PRKG1: variants seen among roughly 807,000 people sequenced by gnomAD.
PRKG1 encodes protein kinase cGMP-dependent 1, also known as cGMP-dependent protein kinase 1.
PRKG1 carries 35 observed loss-of-function variants against 88.1 expected under a neutral mutation model. The observed-to-expected ratio is 0.40, with a 90% confidence interval of 0.30 to 0.53. The LOEUF (loss-of-function observed/expected upper bound fraction) is 0.53, where lower values mean the gene tolerates loss of function less well. PRKG1 is among the 20% of genes least tolerant of loss of function. PRKG1 has a pLI of 0.59. For synonymous variants in PRKG1, 303 were observed against 292.5 expected (o/e 1.04, Z -0.37); for missense variants, 540 against 839.8 (o/e 0.64, Z 4.41).
chr10:52,231,644 A>G (rs1039959768), intron 9 of PRKG1, among the ~76,000 whole-genome samples: 9 of 152,288 alleles, frequency 5.9e-5, no homozygotes, highest in African/African-American at 1.7e-4. Flanking sequence ...CTCTGAACAA[A>G]TACTCTAGAC....
intron 2 of PRKG1, among the ~76,000 whole-genome samples, chr10:51,227,823 A>G (rs2132103094): frequency 6.6e-6 from 1 of 152,302 alleles, no homozygotes; most frequent in Middle Eastern, 3.4e-3. Flanking sequence ...TGAGAGGGCA[A>G]GAAAGAGTGG....
intron 4 of PRKG1, among the ~76,000 whole-genome samples, chr10:51,843,190 G>T (rs534232058): frequency 1.4e-5 from 2 of 146,454 alleles, no homozygotes; most frequent in South Asian, 2.1e-4. Context: ...TCCACCTCCT[G>T]GGTTCAAGTG....
intron 5 of PRKG1, among the ~76,000 whole-genome samples, chr10:52,051,711 A>G (rs1435078643): frequency 2.0e-5 from 3 of 152,216 alleles, no homozygotes; most frequent in African/African-American, 2.4e-5. Flanking sequence ...AGAAGCTCAG[A>G]GAGGGGCAAA....
At chr10:51,012,234 A>C (rs1843001952) in intron 1 of PRKG1, among the ~76,000 whole-genome samples, 1 of 152,134 alleles carries the variant, frequency 6.6e-6, no homozygotes, top group African/African-American at 2.4e-5. Context: ...GGTAAGGAGG[A>C]GCTTTCTAGC....
rs185027798 is a variant in PRKG1, at chr10:51,269,754, T to C, written c.478+116424T>C. On this transcript the variant is annotated intron_variant, in intron 2 of 17. Transcript: ENST00000373980. ...GGATGAGGACTAAAAGACTACGTGT[T>C]GGGTACAGTACACACTGCTAGAGTG... Among the ~76,000 whole-genome samples, 633 of 152,242 alleles carry C rather than the reference T, an allele frequency of 4.2e-3. 2 individuals carry two copies. Among genetic ancestry groups the C allele is most frequent in the African/African-American group, 0.014 (602 of 41,540 alleles).
intron 3 of PRKG1, among the ~76,000 whole-genome samples, chr10:51,584,561 G>A (rs574263659): frequency 2.0e-5 from 3 of 152,060 alleles, no homozygotes; most frequent in South Asian, 2.1e-4. Context: ...TTATCATCCC[G>A]CCTGACCTAT....
At chr10:51,955,078 A>G (rs1258865074) in intron 5 of PRKG1, among the ~76,000 whole-genome samples, 1 of 152,006 alleles carries the variant, frequency 6.6e-6, no homozygotes. Context: ...TTTAAAGGAC[A>G]TAATTTTGTA....
chr10:51,836,573 A>G (rs1381891370), intron 4 of PRKG1, among the ~76,000 whole-genome samples: 2 of 152,044 alleles, frequency 1.3e-5, no homozygotes, highest in African/African-American at 2.4e-5. Context: ...TATTGTTTAT[A>G]TTGAGTGTAT....
chr10:51,246,702 C>T (rs1034912815), intron 2 of PRKG1, among the ~76,000 whole-genome samples: 1 of 151,538 alleles, frequency 6.6e-6, no homozygotes, highest in Non-Finnish European at 1.5e-5. Context: ...AACAATGAAA[C>T]AGTAGTAGAA....
intron 3 of PRKG1, among the ~76,000 whole-genome samples, chr10:51,478,096 C>T (rs61849783): frequency 0.045 from 6,901 of 152,014 alleles, 237 homozygotes; most frequent in Middle Eastern, 0.15. Flanking sequence ...TCTCTCCTGG[C>T]CAGATTTCTT....
chr10:51,474,488 T>G (rs987070915), intron 3 of PRKG1, among the ~76,000 whole-genome samples: 2 of 152,004 alleles, frequency 1.3e-5, no homozygotes, highest in African/African-American at 2.4e-5. Context: ...GGTCATAAGT[T>G]TAATGCCTTA....
At chr10:51,632,447 G>T (rs562955021) in intron 3 of PRKG1, among the ~76,000 whole-genome samples, 1 of 152,130 alleles carries the variant, frequency 6.6e-6, no homozygotes, top group Non-Finnish European at 1.5e-5. Flanking sequence ...GCTTGTGCAC[G>T]TGCACACCCA....
chr10:51,645,218 T>G (rs1839888199), intron 3 of PRKG1, among the ~76,000 whole-genome samples: 1 of 152,218 alleles, frequency 6.6e-6, no homozygotes, highest in South Asian at 2.1e-4. Context: ...TATCAGCTGT[T>G]TGTTTACATG....
intron 4 of PRKG1, among the ~76,000 whole-genome samples, chr10:51,875,159 T>C (rs1391031554): frequency 6.6e-6 from 1 of 152,122 alleles, no homozygotes; most frequent in Non-Finnish European, 1.5e-5. Context: ...AAATGTAGCT[T>C]TAGGAATACT....
intron 5 of PRKG1, among the ~76,000 whole-genome samples, chr10:51,954,731 T>C (rs939996133): frequency 1.3e-5 from 2 of 152,196 alleles, no homozygotes; most frequent in Non-Finnish European, 2.9e-5. Flanking sequence ...TCAGAGACTT[T>C]TATTTTTGTT....
At chr10:51,017,066 T>G (rs928733979) in intron 1 of PRKG1, among the ~76,000 whole-genome samples, 4 of 151,916 alleles carry the variant, frequency 2.6e-5, no homozygotes, top group Non-Finnish European at 5.9e-5. Context: ...GAGTTCACTC[T>G]CTTCATGTAA....
At chr10:51,308,732 G>A (rs972518514) in intron 2 of PRKG1, among the ~76,000 whole-genome samples, 6 of 152,106 alleles carry the variant, frequency 3.9e-5, no homozygotes, top group African/African-American at 4.8e-5. Flanking sequence ...GAATAACACA[G>A]AGCCAATAAC....
At chr10:51,489,579 C>G (rs1253801197) in intron 3 of PRKG1, among the ~76,000 whole-genome samples, 3 of 152,158 alleles carry the variant, frequency 2.0e-5, no homozygotes, top group Non-Finnish European at 4.4e-5. Flanking sequence ...AACCACTGTT[C>G]TAGATTATGT....
chr10:52,076,602 A>T (rs933075000), intron 7 of PRKG1, among the ~76,000 whole-genome samples: 2 of 152,166 alleles, frequency 1.3e-5, no homozygotes, highest in African/African-American at 2.4e-5. Flanking sequence ...AAAATGAAGA[A>T]TTTCTGTTTT....
Sources: allele counts gnomAD v4.1 joint callset (sites outside exome capture counted in the v4.1 genomes callset), GRCh38; gene constraint gnomAD v4.1.1; transcripts MANE v1.5; gene names NCBI Gene and HGNC (gene_info 2026-07-23, HGNC 2026-07-21).